The following ADAMTS17 variants were observed in gnomAD, a reference collection of about 807,000 sequenced individuals.
The protein encoded by ADAMTS17 is A disintegrin and metalloproteinase with thrombospondin motifs 17.
Under a neutral mutation model 141.5 loss-of-function variants are expected in ADAMTS17, and 113 were observed. That is an observed-to-expected ratio of 0.80 (90% CI 0.69 to 0.93). The LOEUF is 0.93. Ranked by LOEUF, ADAMTS17 falls within the 40% of genes least tolerant of loss-of-function variation. ADAMTS17 has a pLI of 0.00. For synonymous variants in ADAMTS17, 768 were observed against 630.6 expected (o/e 1.22, Z -3.27); for missense variants, 1,659 against 1,517.9 (o/e 1.09, Z -1.54).
intron 18 of ADAMTS17, among the ~76,000 whole-genome samples, chr15:100,004,619 T>C (rs1229299722): frequency 4.1e-5 from 1 of 24,528 alleles, no homozygotes; most frequent in Non-Finnish European, 8.6e-5. Flanking sequence ...CTGTAATTCT[T>C]TTTTTTTTTT....
chr15:99,992,747 C>T (rs1385222165), intron 20 of ADAMTS17, among the ~76,000 whole-genome samples: 1 of 152,230 alleles, frequency 6.6e-6, no homozygotes, highest in Non-Finnish European at 1.5e-5. Flanking sequence ...GCATGGCAAG[C>T]CTGGCATCCA....
rs146987939 is a variant in ADAMTS17, at chr15:100,177,412, A to G, written c.1181+21906T>C. Among the ~76,000 whole-genome samples, 18 of 152,310 alleles carry G rather than the reference A, an allele frequency of 1.2e-4. No homozygotes were observed. The East Asian group carries it at 3.5e-3, about 29-fold the overall frequency. On this transcript the variant is annotated intron_variant, in intron 8 of 21. Transcript: ENST00000268070. ...AAGTTTCTTCTCTTATGGTTTATCC[A>G]GAAATGTGTTATTTAATTTTCAAGT...
chr15:99,980,123 C>A (rs779222878), intron 20 of ADAMTS17: 1 of 152,226 alleles, frequency 6.6e-6, no homozygotes, highest in Non-Finnish European at 1.5e-5. Context: ...AAGTTCGAGA[C>A]CAGCCTGGCC....
chr15:100,051,059 G>C (rs2032098726), intron 17 of ADAMTS17, among the ~76,000 whole-genome samples: 2 of 152,248 alleles, frequency 1.3e-5, no homozygotes, highest in African/African-American at 4.8e-5. Context: ...GGGGTAGAGA[G>C]AGGAAGTCAT....
intron 8 of ADAMTS17, among the ~76,000 whole-genome samples, chr15:100,189,510 C>T (rs1467790475): frequency 1.3e-5 from 2 of 152,194 alleles, no homozygotes; most frequent in South Asian, 4.1e-4. Flanking sequence ...AGATGCAGAG[C>T]CACCAACACA....
At chr15:100,180,614 G>A (rs1230303429) in intron 8 of ADAMTS17, among the ~76,000 whole-genome samples, 2 of 152,108 alleles carry the variant, frequency 1.3e-5, no homozygotes, top group East Asian at 3.8e-4. Flanking sequence ...TGGGTAGTAT[G>A]GATGTTTTAA....
intron 17 of ADAMTS17, among the ~76,000 whole-genome samples, chr15:100,049,318 T>C (rs544344610): frequency 5.1e-4 from 78 of 152,356 alleles, no homozygotes; most frequent in African/African-American, 1.7e-3. Flanking sequence ...CATCTTTTTA[T>C]CTGCTTGTTT....
intron 15 of ADAMTS17, among the ~76,000 whole-genome samples, chr15:100,060,654 C>A (rs2033046882): frequency 1.3e-5 from 2 of 152,230 alleles, no homozygotes; most frequent in Admixed American, 1.3e-4. Context: ...CCACAGTCAA[C>A]CTACTTCTAA....
intron 14 of ADAMTS17, among the ~76,000 whole-genome samples, chr15:100,106,540 T>C (rs114253610): frequency 5.1e-4 from 77 of 152,312 alleles, no homozygotes; most frequent in African/African-American, 1.6e-3. Context: ...ATGGAGCCCA[T>C]TGGCACAGAT....
At chr15:100,023,289 T>C (rs1316120536) in intron 18 of ADAMTS17, among the ~76,000 whole-genome samples, 1 of 151,994 alleles carries the variant, frequency 6.6e-6, no homozygotes, top group East Asian at 1.9e-4. Flanking sequence ...GCAACCTCTG[T>C]CTCCTGGGTT....
chr15:100,097,277 C>T (rs1049509045), intron 14 of ADAMTS17, among the ~76,000 whole-genome samples: 3 of 152,268 alleles, frequency 2.0e-5, no homozygotes, highest in Non-Finnish European at 2.9e-5. Flanking sequence ...CCACATTTTC[C>T]CCCTATAAAG....
chr15:100,120,070 T>C, intron 12 of ADAMTS17, among the ~76,000 whole-genome samples: 1 of 152,192 alleles, frequency 6.6e-6, no homozygotes, highest in South Asian at 2.1e-4. Context: ...AGCACTAGAC[T>C]GACGTGAACT....
intron 6 of ADAMTS17, among the ~76,000 whole-genome samples, chr15:100,258,538 C>T (rs1000361589): frequency 1.2e-4 from 19 of 152,210 alleles, no homozygotes; most frequent in African/African-American, 4.6e-4. Flanking sequence ...AGGCACGTCT[C>T]ACATGGCAGC....
chr15:100,076,497 T>C (rs765281089), intron 15 of ADAMTS17, among the ~76,000 whole-genome samples: 2 of 152,230 alleles, frequency 1.3e-5, no homozygotes, highest in African/African-American at 4.8e-5. Context: ...TTTTTCCTAT[T>C]GCTGGATACT....
At chr15:100,054,645 C>G (rs2032416833) in intron 15 of ADAMTS17, among the ~76,000 whole-genome samples, 1 of 152,166 alleles carries the variant, frequency 6.6e-6, no homozygotes, top group African/African-American at 2.4e-5. Context: ...TTTGGAAACC[C>G]TAGCCACCCA....
chr15:100,291,194 A>G (rs2044613870), intron 3 of ADAMTS17, among the ~76,000 whole-genome samples: 1 of 152,252 alleles, frequency 6.6e-6, no homozygotes, highest in South Asian at 2.1e-4. Context: ...AAGGACAGGA[A>G]CAGATACTTT....
intron 19 of ADAMTS17, among the ~76,000 whole-genome samples, chr15:99,995,744 C>A (rs1345520195): frequency 2.0e-5 from 3 of 152,188 alleles, no homozygotes; most frequent in Admixed American, 1.3e-4. Context: ...GACTTCAGCA[C>A]GTGGGAAGCG....
At chr15:100,210,951 A>T (rs1004731479) in intron 7 of ADAMTS17, among the ~76,000 whole-genome samples, 5 of 152,140 alleles carry the variant, frequency 3.3e-5, no homozygotes, top group African/African-American at 9.6e-5. Context: ...AATACAAAAA[A>T]TTAGCTGGGC....
At chr15:100,220,275 G>A (rs556841930) in intron 7 of ADAMTS17, among the ~76,000 whole-genome samples, 1 of 152,298 alleles carries the variant, frequency 6.6e-6, no homozygotes, top group Admixed American at 6.5e-5. Context: ...GATGTCACCA[G>A]CGCCTCCTGT....
Sources: gnomAD v4.1 joint callset for allele counts (sites outside exome capture counted in the v4.1 genomes callset) on GRCh38, gnomAD v4.1.1 for gene constraint, MANE v1.5 for transcripts, NCBI Gene and HGNC (gene_info 2026-07-23, HGNC 2026-07-21) for gene names.